The following FHAD1 variants were observed in gnomAD, a reference collection of about 807,000 sequenced individuals.
The protein encoded by FHAD1 is forkhead associated phosphopeptide binding domain 1.
A neutral mutation model predicts 191.3 loss-of-function variants in FHAD1; 146 were observed. The observed-to-expected ratio is 0.76, with a 90% confidence interval of 0.67 to 0.88. FHAD1 has a LOEUF of 0.88. FHAD1 is among the 40% of genes least tolerant of loss of function. FHAD1 has a pLI of 0.00. For missense variants in FHAD1, 1,635 were observed against 1,785.8 expected (o/e 0.92, Z 1.52); for synonymous variants, 616 against 672.3 (o/e 0.92, Z 1.29).
At chr1:15,392,551 C>T (rs2103133431) in intron 33 of FHAD1, among the ~76,000 whole-genome samples, 1 of 152,184 alleles carries the variant, frequency 6.6e-6, no homozygotes, top group South Asian at 2.1e-4. Context: ...AAAGTTTCCT[C>T]CAGGTTCCTT....
rs1260829506 is a variant in FHAD1, at chr1:15,281,754, C to T, written c.301-7645C>T. 1.6e-4 allele frequency among the ~76,000 whole-genome samples: 17 copies of T among 103,872 alleles called. No homozygotes were observed. In the East Asian group the frequency reaches 3.2e-3, roughly 20 times the overall value. The allele number at this position is 103,872 out of a possible 152,430, so 68.1% of individuals were successfully genotyped here. A position where few individuals can be genotyped will look rare whatever the true frequency, so the allele number is the denominator to read the frequency against. On this transcript the variant is annotated intron_variant, in intron 3 of 33. Transcript: ENST00000688493. ...CCAGCCTGGGTGACAGAGTGAGACA[C>T]TGTCTCAAAAAAAAAAAAAAAAAAA...
chr1:15,362,801 C>G, intron 23 of FHAD1, 75 bp downstream of exon 23: 1 of 1,158,820 alleles, frequency 8.6e-7, no homozygotes, highest in Non-Finnish European at 1.3e-6. Flanking sequence ...AGGCAACCAG[C>G]CCCTACCTGG....
chr1:15,322,992 G>A (rs1326332697), intron 10 of FHAD1, among the ~76,000 whole-genome samples: 3 of 152,164 alleles, frequency 2.0e-5, no homozygotes, highest in Admixed American at 6.5e-5. Context: ...GAAAAATAAG[G>A]AAGAAACAAA....
chr1:15,288,188 G>A (rs759302585), intron 3 of FHAD1, among the ~76,000 whole-genome samples: 1 of 152,138 alleles, frequency 6.6e-6, no homozygotes, highest in Non-Finnish European at 1.5e-5. Flanking sequence ...CTTCTAACAG[G>A]AATAAGGAGA....
At chr1:15,242,442 T>TTA (rs1381218601), upstream of FHAD1, among the ~76,000 whole-genome samples, 2 of 152,236 alleles carry the variant, frequency 1.3e-5, no homozygotes, top group East Asian at 3.9e-4. Flanking sequence ...CTTGTTAGCT[T>TTA]TAATAAATAT....
intron 20 of FHAD1, among the ~76,000 whole-genome samples, chr1:15,357,579 C>T (rs1356860191): frequency 6.8e-6 from 1 of 146,808 alleles, no homozygotes; most frequent in Non-Finnish European, 1.5e-5. Flanking sequence ...GCTGAGATAG[C>T]ACCGTTGCGC....
At chr1:15,388,285 T>TG (rs1441971001) in intron 32 of FHAD1, 154 bp downstream of exon 32, 5 of 156,106 alleles carry the variant, frequency 3.2e-5, no homozygotes, top group East Asian at 4.0e-4. Flanking sequence ...CCCTCGTCCC[T>TG]CCCTCCCTCC....
chr1:15,238,305 C>G (rs1645007470), intron 1 of FHAD1, among the ~76,000 whole-genome samples: 1 of 148,232 alleles, frequency 6.7e-6, no homozygotes, highest in South Asian at 2.1e-4. Context: ...ATGCAGATGG[C>G]AGTGAGATGC....
At chr1:15,288,897 T>C (rs1303793059) in intron 3 of FHAD1, among the ~76,000 whole-genome samples, 1 of 152,206 alleles carries the variant, frequency 6.6e-6, no homozygotes, top group Admixed American at 6.5e-5. Flanking sequence ...GGTGGTGTGA[T>C]CGTGTGCCGT....
chr1:15,289,320 C>G lies in FHAD1; in HGVS notation c.301-79C>G. On this transcript the variant is annotated intron_variant, in intron 3 of 33. Coordinates refer to ENST00000688493, the MANE Select transcript of FHAD1 (RefSeq NM_001391957.1). The surrounding 1 kb of genome is among the most constrained non-coding windows in gnomAD (Gnocchi z 4.2). ...ACTCATAAACCAAGACCTTGGGCAG[C>G]AATGCTGTGGCTGGGACAAAGAAAT... is the stretch of plus-strand genomic sequence containing the variant. 1 of 1,491,554 alleles carries G rather than the reference C, an allele frequency of 6.7e-7. No homozygotes were observed. The highest frequency in any genetic ancestry group is 9.0e-7 in the Non-Finnish European group (1 of 1,113,228). 92.4% of individuals were successfully genotyped at this position (1,491,554 alleles called of 1,614,324 possible). A position where few individuals can be genotyped will look rare whatever the true frequency, so the allele number is the denominator to read the frequency against.
intron 28 of FHAD1, among the ~76,000 whole-genome samples, chr1:15,376,121 G>A (rs996225624): frequency 2.9e-5 from 4 of 139,438 alleles, no homozygotes; most frequent in Non-Finnish European, 6.1e-5. Flanking sequence ...ACAGAGTCTC[G>A]CTCTGTCACC....
chr1:15,347,634 A>T (rs1689379157), intron 18 of FHAD1, among the ~76,000 whole-genome samples: 1 of 152,212 alleles, frequency 6.6e-6, no homozygotes, highest in African/African-American at 2.4e-5. Flanking sequence ...TTTCTAGTAC[A>T]GACGGGGTTT....
At position 15,289,360 on chromosome 1, in the gene FHAD1, C is replaced by A. The variant is rs1408006602; in HGVS notation, c.301-39C>A. On this transcript the variant is annotated intron_variant, in intron 3 of 33. Coordinates refer to ENST00000688493, the MANE Select transcript of FHAD1 (RefSeq NM_001391957.1). This position sits in a 1 kb window ranked among gnomAD's most constrained non-coding sequence, Gnocchi z 4.2. ...GACAAAGAAATGGAGACCATCCCAGCCGGTCATAACCTCCCCTGACCCTTG... is the reference window on the plus strand; with the variant it reads ...GACAAAGAAATGGAGACCATCCCAGACGGTCATAACCTCCCCTGACCCTTG... 2.0e-6 allele frequency: 3 copies of A among 1,534,764 alleles called. No individual in the cohort carries two copies. The African/African-American group carries it at 4.1e-5, about 21-fold the overall frequency.
In FHAD1 at chr1:15,352,673, G is replaced by A. The variant is rs994182827; in HGVS notation, c.2455-204G>A. Reference sequence around the variant, plus strand: ...ATGACTCACTCTCTCCTTTACACACGTGACTAAGATATGGCTCCCGGGTTC... The same window carrying A: ...ATGACTCACTCTCTCCTTTACACACATGACTAAGATATGGCTCCCGGGTTC... On this transcript the variant is annotated intron_variant, in intron 19 of 33. Coordinates refer to ENST00000688493, the MANE Select transcript of FHAD1 (RefSeq NM_001391957.1). Among the ~76,000 whole-genome samples the A allele has an allele frequency of 5.9e-5, 9 of 152,212 alleles. No homozygotes were observed. In the South Asian group the frequency reaches 1.5e-3, roughly 25 times the overall value.
chr1:15,284,717 A>C (rs1342414120), intron 3 of FHAD1, among the ~76,000 whole-genome samples: 1 of 152,114 alleles, frequency 6.6e-6, no homozygotes, highest in African/African-American at 2.4e-5. Flanking sequence ...ATCCGGAAAC[A>C]ATGGATTTGG....
rs1340515849 is a variant in FHAD1, at chr1:15,381,749, G to A, written c.4023-279G>A. Among the ~76,000 whole-genome samples the A allele has an allele frequency of 6.6e-6, 1 of 151,964 alleles. No individual in the cohort carries two copies. Among genetic ancestry groups the A allele is most frequent in the African/African-American group, 2.4e-5 (1 of 41,366 alleles). ...GTTTCCCAGTTGTGTAGCATTGACAGCTCCGTCATATTTTCAAGAGTCGCA... is the reference window on the plus strand; with the variant it reads ...GTTTCCCAGTTGTGTAGCATTGACAACTCCGTCATATTTTCAAGAGTCGCA... On this transcript the variant is annotated intron_variant, in intron 30 of 33. Coordinates refer to ENST00000688493, the MANE Select transcript of FHAD1 (RefSeq NM_001391957.1). This position sits in a 1 kb window ranked among gnomAD's most constrained non-coding sequence, Gnocchi z 4.6.
chr1:15,402,252 T>C (rs990283113), downstream of FHAD1, among the ~76,000 whole-genome samples: 2 of 152,264 alleles, frequency 1.3e-5, no homozygotes, highest in African/African-American at 4.8e-5. Flanking sequence ...CTTTTCAAAT[T>C]CTGATCCACT....
chr1:15,349,986 C>T (rs1279574165), intron 19 of FHAD1, among the ~76,000 whole-genome samples: 1 of 152,198 alleles, frequency 6.6e-6, no homozygotes, highest in Non-Finnish European at 1.5e-5. Context: ...CTCAGGGACC[C>T]ACATGGCATC....
chr1:15,297,859 A>G (rs974488715), intron 5 of FHAD1, among the ~76,000 whole-genome samples: 2 of 151,858 alleles, frequency 1.3e-5, no homozygotes, highest in African/African-American at 4.8e-5. Context: ...TTAAGTTTTT[A>G]TAGAGTTTTT....
Sources: allele counts gnomAD v4.1 joint callset (sites outside exome capture counted in the v4.1 genomes callset), GRCh38; gene constraint gnomAD v4.1.1; non-coding constraint Gnocchi (gnomAD v3.1); transcripts MANE v1.5; gene names NCBI Gene and HGNC (gene_info 2026-07-23, HGNC 2026-07-21).